RYR2: variants seen among roughly 807,000 people sequenced by gnomAD.
The protein encoded by RYR2 is cardiac muscle ryanodine receptor-calcium release channel.
A neutral mutation model predicts 601.1 loss-of-function variants in RYR2; 227 were observed. That is an observed-to-expected ratio of 0.38 (90% CI 0.34 to 0.42). The LOEUF is 0.42. Ranked by LOEUF, RYR2 falls within the 10% of genes least tolerant of loss-of-function variation. RYR2 has a pLI of 1.00. For synonymous variants in RYR2, 2,223 were observed against 2,175.1 expected, an observed-to-expected ratio of 1.02 and a Z score of -0.61; for missense variants, 4,646 against 6,156.5, an observed-to-expected ratio of 0.75 and a Z score of 8.21.
chr1:237,130,461 C>G lies in RYR2; in HGVS notation c.48+87892C>G, dbSNP rs1168708749. The stretch of plus-strand genomic sequence containing the variant: ...GGGCACGGTGATTCACACCTGTAAT[C>G]CCAGTACTTTGGGAGGCTGAGGTAG... On this transcript the variant is annotated intron_variant, in intron 1 of 104. Coordinates refer to ENST00000366574, the MANE Select transcript of RYR2 (RefSeq NM_001035.3). 2.0e-5 allele frequency among the ~76,000 whole-genome samples: 3 copies of G among 152,124 alleles called. No individual in the cohort carries two copies. In the East Asian group the frequency reaches 5.8e-4, roughly 29 times the overall value.
intron 4 of RYR2, among the ~76,000 whole-genome samples, chr1:237,358,210 C>G (rs1699466701): frequency 6.6e-6 from 1 of 152,158 alleles, no homozygotes; most frequent in South Asian, 2.1e-4. Context: ...ACAGACATTT[C>G]AAGTCATACA....
At chr1:237,086,443 A>G (rs74149705) in intron 1 of RYR2, among the ~76,000 whole-genome samples, 3,177 of 152,254 alleles carry the variant, frequency 0.021, 117 homozygotes, top group African/African-American at 0.072. Flanking sequence ...CGAATTTTGT[A>G]GGAGGAGGGA....
At chr1:237,467,431 C>G (rs1355538502) in intron 16 of RYR2, among the ~76,000 whole-genome samples, 1 of 152,052 alleles carries the variant, frequency 6.6e-6, no homozygotes, top group Non-Finnish European at 1.5e-5. Context: ...CTGCTTAGAA[C>G]TTAGTACTTC....
At chr1:237,044,260 A>G (rs1441971023) in intron 1 of RYR2, among the ~76,000 whole-genome samples, 1 of 152,232 alleles carries the variant, frequency 6.6e-6, no homozygotes, top group East Asian at 1.9e-4. Flanking sequence ...CAGGTGGACA[A>G]ATACGGTTGC....
chr1:237,590,567 C>A, intron 30 of RYR2, 73 bp from the exon 31 acceptor site: 1 of 1,267,126 alleles, frequency 7.9e-7, no homozygotes, highest in Non-Finnish European at 1.1e-6. Flanking sequence ...ACGTGATGTG[C>A]CTTAGTCATC....
At chr1:237,368,655 C>T (rs1700389750) in intron 5 of RYR2, among the ~76,000 whole-genome samples, 1 of 152,050 alleles carries the variant, frequency 6.6e-6, no homozygotes, top group South Asian at 2.1e-4. Context: ...ACAAGCTCTC[C>T]AATTTAAGAA....
intron 1 of RYR2, among the ~76,000 whole-genome samples, chr1:237,220,666 A>G (rs780272564): frequency 7.2e-5 from 11 of 152,180 alleles, no homozygotes; most frequent in Non-Finnish European, 1.2e-4. Context: ...TCTGATCCTC[A>G]CAAAACCTTT....
chr1:237,555,759 G>A (rs1670819290), intron 27 of RYR2, among the ~76,000 whole-genome samples: 1 of 152,016 alleles, frequency 6.6e-6, no homozygotes, highest in Admixed American at 6.6e-5. Context: ...AATAATAAAT[G>A]TCTAAAGTTA....
intron 3 of RYR2, among the ~76,000 whole-genome samples, chr1:237,335,224 G>A (rs1169629960): frequency 6.6e-6 from 1 of 152,146 alleles, no homozygotes; most frequent in Non-Finnish European, 1.5e-5. Context: ...CATGTGTTTT[G>A]TAGTTAATAA....
intron 83 of RYR2, among the ~76,000 whole-genome samples, chr1:237,760,354 G>A (rs2819764): frequency 7.2e-6 from 1 of 139,710 alleles, no homozygotes; most frequent in African/African-American, 2.7e-5. Context: ...AGACCCTGTC[G>A]CTAATTTAAA....
intron 29 of RYR2, among the ~76,000 whole-genome samples, chr1:237,578,048 G>T (rs937545866): frequency 6.6e-6 from 1 of 152,154 alleles, no homozygotes; most frequent in Non-Finnish European, 1.5e-5. Flanking sequence ...GACCTAAGGT[G>T]ATCTGCCTGC....
chr1:237,455,765 G>T (rs916730521), intron 15 of RYR2, among the ~76,000 whole-genome samples: 59 of 152,046 alleles, frequency 3.9e-4, no homozygotes, highest in Non-Finnish European at 4.3e-4. Flanking sequence ...GACCTCAACG[G>T]CACGAAAGCA....
rs1485127603 is a variant in RYR2, at chr1:237,581,207, C to T, written c.3599-8586C>T. ...ACGGTTATTTATGTTTGGAGATTACCACATTCTACAGTGTCTGCTGTGGAT... is the reference window on the plus strand; with the variant it reads ...ACGGTTATTTATGTTTGGAGATTACTACATTCTACAGTGTCTGCTGTGGAT... On this transcript the variant is annotated intron_variant, in intron 29 of 104. Coordinates refer to ENST00000366574, the MANE Select transcript of RYR2 (RefSeq NM_001035.3). Among the ~76,000 whole-genome samples the T allele has an allele frequency of 1.6e-4, 25 of 152,116 alleles. 1 individual carries two copies. The highest frequency in any genetic ancestry group is 1.6e-3 in the Admixed American group (25 of 15,260).
At chr1:237,787,597 C>CAAA (rs778668137) in intron 91 of RYR2, among the ~76,000 whole-genome samples, 70 of 60,386 alleles carry the variant, frequency 1.2e-3, no homozygotes, top group Non-Finnish European at 1.3e-3. Flanking sequence ...GTCTCAAAAA[C>CAAA]AAAAAAAAAA....
At chr1:237,325,341 A>G (rs1038964538) in intron 2 of RYR2, among the ~76,000 whole-genome samples, 4 of 152,262 alleles carry the variant, frequency 2.6e-5, no homozygotes, top group African/African-American at 9.6e-5. Context: ...TCTACATGCC[A>G]TGAATGTTTC....
intron 1 of RYR2, among the ~76,000 whole-genome samples, chr1:237,048,330 A>G (rs570315975): frequency 7.2e-5 from 11 of 152,156 alleles, no homozygotes; most frequent in Non-Finnish European, 1.5e-4. Context: ...ATCATAGCCC[A>G]TCGTGTTTCT....
chr1:237,808,169 T>C (rs532098903), intron 99 of RYR2, among the ~76,000 whole-genome samples: 1 of 152,310 alleles, frequency 6.6e-6, no homozygotes, highest in East Asian at 1.9e-4. Flanking sequence ...TTGGCCATTG[T>C]TTACAAAGCA....
intron 1 of RYR2, among the ~76,000 whole-genome samples, chr1:237,266,828 G>C (rs1411999493): frequency 6.6e-6 from 1 of 152,064 alleles, no homozygotes; most frequent in Non-Finnish European, 1.5e-5. Flanking sequence ...GAAAGCTGTA[G>C]CTATAGCCTC....
chr1:237,631,930 GC>G (rs1680370918), intron 42 of RYR2, among the ~76,000 whole-genome samples: 6 of 151,968 alleles, frequency 3.9e-5, no homozygotes, highest in Non-Finnish European at 7.4e-5. Context: ...ACCGCGCCCA[GC>G]CCAGATTGTA....
Sources: allele counts gnomAD v4.1 joint callset (sites outside exome capture counted in the v4.1 genomes callset), GRCh38; gene constraint gnomAD v4.1.1; transcripts MANE v1.5; gene names NCBI Gene and HGNC (gene_info 2026-07-23, HGNC 2026-07-21).